RFFL: variants seen among roughly 807,000 people sequenced by gnomAD.
RFFL encodes ring finger and FYVE like domain containing E3 ubiquitin protein ligase, also known as E3 ubiquitin-protein ligase rififylin.
RFFL carries 16 observed loss-of-function variants against 40.4 expected under a neutral mutation model. The observed-to-expected ratio is 0.40, with a 90% CI of 0.27 to 0.60. RFFL has a LOEUF of 0.60. RFFL is among the 20% of genes least tolerant of loss of function. The pLI is 0.47. For missense variants in RFFL, 367 were observed against 451.7 expected (o/e 0.81, Z 1.70); for synonymous variants, 154 against 167.9 (o/e 0.92, Z 0.64).
At chr17:35,056,986 G>A (rs1349627664) in intron 1 of RFFL, among the ~76,000 whole-genome samples, 1 of 151,170 alleles carries the variant, frequency 6.6e-6, no homozygotes, top group Non-Finnish European at 1.5e-5. Context: ...TGCAACCTCG[G>A]CTCACTGCAA....
intron 1 of RFFL, among the ~76,000 whole-genome samples, chr17:35,063,260 A>G (rs1567714360): frequency 6.6e-6 from 1 of 152,030 alleles, no homozygotes; most frequent in Non-Finnish European, 1.5e-5. Context: ...GTTCGAAACC[A>G]GACTGACCAA....
chr17:35,048,830 C>T (rs943044497), intron 1 of RFFL, among the ~76,000 whole-genome samples: 1 of 152,156 alleles, frequency 6.6e-6, no homozygotes, highest in Non-Finnish European at 1.5e-5. Flanking sequence ...ACTAAGCACC[C>T]CCTTCCTCCC....
At chr17:35,082,837 T>G in intron 1 of RFFL, among the ~76,000 whole-genome samples, 1 of 152,176 alleles carries the variant, frequency 6.6e-6, no homozygotes, top group East Asian at 1.9e-4. Context: ...AAACTGAAGC[T>G]CACAGAGGTT....
intron 1 of RFFL, among the ~76,000 whole-genome samples, chr17:35,044,073 C>T (rs546017597): frequency 6.6e-6 from 1 of 152,232 alleles, no homozygotes; most frequent in Non-Finnish European, 1.5e-5. Flanking sequence ...TTAATTGTCT[C>T]AACTGCAACT....
intron 1 of RFFL, among the ~76,000 whole-genome samples, chr17:35,086,347 G>A (rs997780550): frequency 2.6e-5 from 4 of 152,028 alleles, no homozygotes; most frequent in Non-Finnish European, 5.9e-5. Flanking sequence ...TTAGCTGGGC[G>A]TAGTGACGCA....
At chr17:35,040,509 A>G (rs2091156824) in intron 1 of RFFL, among the ~76,000 whole-genome samples, 1 of 151,804 alleles carries the variant, frequency 6.6e-6, no homozygotes, top group Non-Finnish European at 1.5e-5. Flanking sequence ...AGGCTGAGGT[A>G]GGAGAATCAC....
chr17:35,065,624 C>G (rs531049151), upstream of RFFL, among the ~76,000 whole-genome samples: 38 of 149,660 alleles, frequency 2.5e-4, no homozygotes, highest in African/African-American at 8.8e-4. Flanking sequence ...CAGATACGAA[C>G]TATATAAAGA....
At chr17:35,066,453 C>A (rs2091321476), upstream of RFFL, among the ~76,000 whole-genome samples, 1 of 152,144 alleles carries the variant, frequency 6.6e-6, no homozygotes, top group South Asian at 2.1e-4. Context: ...AGGATGCACA[C>A]AGCAGGGAGA....
At chr17:35,021,301 G>A in intron 3 of RFFL, 70 bp downstream of exon 3, 2 of 1,430,236 alleles carry the variant, frequency 1.4e-6, no homozygotes, top group Admixed American at 2.4e-5. Flanking sequence ...CACAACAAAG[G>A]CAGGAGAGGA....
intron 3 of RFFL, among the ~76,000 whole-genome samples, chr17:35,018,333 C>T (rs964525931): frequency 2.0e-5 from 3 of 152,204 alleles, no homozygotes; most frequent in African/African-American, 4.8e-5. Context: ...CCTATGCTTA[C>T]GGAATTTCAT....
chr17:35,054,883 G>A (rs1274753030), intron 1 of RFFL, among the ~76,000 whole-genome samples: 2 of 151,376 alleles, frequency 1.3e-5, no homozygotes, highest in East Asian at 3.9e-4. Context: ...ACAGTGACAG[G>A]CTTAGAGTAG....
rs567584061 is a variant in RFFL, at chr17:35,021,428, G to A, written c.534C>T (p.Pro178=). The A allele has an allele frequency of 3.1e-5, 48 of 1,539,986 alleles. No individual in the cohort carries two copies. Among genetic ancestry groups the A allele is most frequent in the Non-Finnish European group, 4.1e-5 (47 of 1,147,036 alleles). The change falls in exon 3 of 7, where the codon CCC becomes CCT. Residue 178 remains proline (P), a synonymous_variant. Transcript: ENST00000394597. The part of the protein sequence containing the change: ...SMVPPTSPNL[P]SSSAQATSVP... Reference sequence around the variant, plus strand: ...CAGAGGTGGCTTGTGCAGATGAAGAGGGGAGGTTGGGTGAGGTAGGTGGAA... The same window carrying A: ...CAGAGGTGGCTTGTGCAGATGAAGAAGGGAGGTTGGGTGAGGTAGGTGGAA...
intron 1 of RFFL, chr17:35,073,976 G>A (rs931070835): frequency 2.6e-5 from 4 of 152,172 alleles, no homozygotes; most frequent in Non-Finnish European, 5.9e-5. Context: ...TAAGTAACAA[G>A]TATTGCTAAC....
chr17:35,013,543 G>T (rs1443129741), intron 6 of RFFL, among the ~76,000 whole-genome samples: 1 of 152,124 alleles, frequency 6.6e-6, no homozygotes, highest in African/African-American at 2.4e-5. Context: ...CTCCCTTATT[G>T]CATCTATACT....
At chr17:35,030,112 T>C (rs967223793) in intron 1 of RFFL, among the ~76,000 whole-genome samples, 66 of 150,390 alleles carry the variant, frequency 4.4e-4, no homozygotes, top group Admixed American at 1.6e-3. Flanking sequence ...CTGGGTTGGT[T>C]CCAAGTCTTT....
In RFFL at chr17:35,023,311, A is replaced by G. The variant is rs578164111; in HGVS notation, c.181-1530T>C. Among the ~76,000 whole-genome samples the G allele has an allele frequency of 7.9e-5, 12 of 152,354 alleles. 1 individual carries two copies. The highest frequency in any genetic ancestry group is 2.6e-4 in the African/African-American group (11 of 41,594). On this transcript the variant is annotated intron_variant, in intron 2 of 6. Coordinates refer to ENST00000394597, the MANE Select transcript of RFFL (RefSeq NM_001017368.2). ...ATGTCTGCATAGTTAAGATAGTTAT[A>G]TAAGTTTTGTCTAAGTATCATTCAC...
intron 1 of RFFL, among the ~76,000 whole-genome samples, chr17:35,040,685 T>C (rs931879013): frequency 6.4e-5 from 8 of 125,740 alleles, no homozygotes; most frequent in Non-Finnish European, 1.1e-4. Flanking sequence ...TCTCCCCTGC[T>C]CCTGCTGGTG....
chr17:35,021,846 G>C, intron 2 of RFFL, 65 bp from the exon 3 acceptor site: 1 of 1,534,820 alleles, frequency 6.5e-7, no homozygotes, highest in Non-Finnish European at 9.0e-7. Flanking sequence ...GAGTGCGATG[G>C]GAGCTTCAGA....
intron 1 of RFFL, among the ~76,000 whole-genome samples, chr17:35,028,332 G>T (rs1482638457): frequency 6.6e-6 from 1 of 151,582 alleles, no homozygotes; most frequent in East Asian, 1.9e-4. Context: ...GACAAAGTGA[G>T]ACCTTGTCTC....
Sources: gnomAD v4.1 joint callset for allele counts (sites outside exome capture counted in the v4.1 genomes callset) on GRCh38, gnomAD v4.1.1 for gene constraint, MANE v1.5 for transcripts, NCBI Gene and HGNC (gene_info 2026-07-23, HGNC 2026-07-21) for gene names.